Variants in PIGN observed in about 807,000 individuals in gnomAD.
The protein encoded by PIGN is phosphatidylinositol glycan anchor biosynthesis class N, also known as GPI ethanolamine phosphate transferase 1.
In PIGN, 117 loss-of-function variants were observed where a neutral mutation model predicts 125.4. That is an observed-to-expected ratio of 0.93 (90% confidence interval 0.80 to 1.09). The LOEUF (loss-of-function observed/expected upper bound fraction) is 1.09, where lower values mean the gene tolerates loss of function less well. PIGN is among the 50% of genes least tolerant of loss of function. The pLI is 0.00. For synonymous variants in PIGN, 392 were observed against 377.8 expected (o/e 1.04, Z -0.44); for missense variants, 1,075 against 1,094.9 (o/e 0.98, Z 0.26).
At chr18:62,075,764 T>C (rs1009588359) in intron 28 of PIGN, 1 of 152,214 alleles carries the variant, frequency 6.6e-6, no homozygotes, top group African/African-American at 2.4e-5. Flanking sequence ...ATGTTTAGTT[T>C]CATAAGAAAC....
intron 12 of PIGN, among the ~76,000 whole-genome samples, chr18:62,139,402 TTAAAA>T (rs143862326): frequency 0.027 from 4,056 of 152,268 alleles, 57 homozygotes; most frequent in Middle Eastern, 0.085. Context: ...GCCAGCATAC[TTAAAA>T]TAAAAGACTT....
intron 30 of PIGN, among the ~76,000 whole-genome samples, chr18:62,055,891 A>G (rs72946055): frequency 0.14 from 21,846 of 151,398 alleles, 2,122 homozygotes; most frequent in Non-Finnish European, 0.21. Context: ...CTAACGTCTC[A>G]TGCAAGGTCT....
chr18:62,096,874 T>C (rs1487244871), intron 22 of PIGN, among the ~76,000 whole-genome samples: 1 of 148,642 alleles, frequency 6.7e-6, no homozygotes, highest in Non-Finnish European at 1.5e-5. Flanking sequence ...TCATATTTTA[T>C]GGCTGCATAG....
At chr18:62,032,224 C>A (rs771747580) in intron 23 of PIGN, among the ~76,000 whole-genome samples, 1 of 152,188 alleles carries the variant, frequency 6.6e-6, no homozygotes, top group Non-Finnish European at 1.5e-5. Flanking sequence ...GTGGAGAGAT[C>A]TTTTGGGGCA....
chr18:62,093,192 G>A (rs1466341771), intron 23 of PIGN, among the ~76,000 whole-genome samples: 1 of 151,958 alleles, frequency 6.6e-6, no homozygotes, highest in Non-Finnish European at 1.5e-5. Flanking sequence ...TGAAGTTACT[G>A]TTTCCTAATA....
At chr18:62,180,929 T>C (rs1419074048) in intron 1 of PIGN, among the ~76,000 whole-genome samples, 4 of 152,206 alleles carry the variant, frequency 2.6e-5, no homozygotes, top group Non-Finnish European at 5.9e-5. Context: ...TTATGTCACA[T>C]ATATTCTTCT....
chr18:62,036,028 G>A (rs2030256525), intron 23 of PIGN, among the ~76,000 whole-genome samples: 1 of 152,014 alleles, frequency 6.6e-6, no homozygotes, highest in South Asian at 2.1e-4. Context: ...TTCCTAGGTT[G>A]CAAAACTGCT....
intron 16 of PIGN, 32 bp downstream of exon 16, chr18:62,113,102 A>G (rs375125856): frequency 2.9e-5 from 45 of 1,525,716 alleles, no homozygotes; most frequent in Non-Finnish European, 3.8e-5. Flanking sequence ...ATTTTATACC[A>G]TCATCTGAAT....
intron 23 of PIGN, among the ~76,000 whole-genome samples, chr18:62,095,092 G>C (rs1274305176): frequency 2.0e-5 from 3 of 152,156 alleles, no homozygotes; most frequent in African/African-American, 4.8e-5. Context: ...CCTAGGTTTA[G>C]TCTAACTTCA....
At position 62,114,593 on chromosome 18, in the gene PIGN, AT is replaced by A. The variant is rs1449295768; in HGVS notation, c.1218del (p.Arg406SerfsTer4). The A allele has an allele frequency of 2.6e-6, 4 of 1,523,720 alleles. No individual in the cohort carries two copies. The South Asian group carries it at 4.8e-5, about 18-fold the overall frequency. 94.4% of individuals were successfully genotyped at this position (1,523,720 alleles called of 1,614,324 possible). A position where few individuals can be genotyped will look rare whatever the true frequency, so the allele number is the denominator to read the frequency against. On this transcript the variant is annotated frameshift_variant, in exon 15 of 31. Coordinates refer to ENST00000640252, the MANE Select transcript of PIGN (RefSeq NM_176787.5). LOFTEE classifies it high-confidence loss of function. The stretch of plus-strand genomic sequence containing the variant: ...TCAAACTTTCTGTGTTTTATATAAG[AT>A]CTTGCTTTTCTTAAAATGTTGAACT... ...SKQFNILRKA[R>X]SYIKHRKFDE...
At chr18:62,134,406 A>G (rs1421743503) in intron 14 of PIGN, among the ~76,000 whole-genome samples, 1 of 152,096 alleles carries the variant, frequency 6.6e-6, no homozygotes, top group African/African-American at 2.4e-5. Context: ...AAACAAAACA[A>G]AACAAAAACT....
chr18:62,029,091 A>G (rs2030161334), intron 23 of PIGN, among the ~76,000 whole-genome samples: 1 of 152,170 alleles, frequency 6.6e-6, no homozygotes, highest in South Asian at 2.1e-4. Flanking sequence ...TGTGCCTTCC[A>G]TCTCTTTGTC....
At position 62,085,189 on chromosome 18, in the gene PIGN, C is replaced by T; in HGVS notation, c.2426+20G>A. Reference sequence around the variant, plus strand: ...ATTATTTTTTAGTTATATATATATGCCACTTTCATTTAAAATTACCTGTTA... The same window carrying T: ...ATTATTTTTTAGTTATATATATATGTCACTTTCATTTAAAATTACCTGTTA... On this transcript the variant is annotated intron_variant, in intron 26 of 30. Transcript: ENST00000640252. 7.4e-7 allele frequency: 1 copy of T among 1,345,806 alleles called. No homozygotes were observed. Among genetic ancestry groups the T allele is most frequent in the Non-Finnish European group, 1.0e-6 (1 of 963,612 alleles). The allele number at this position is 1,345,806 out of a possible 1,614,324, so 83.4% of individuals were successfully genotyped here.
intron 14 of PIGN, among the ~76,000 whole-genome samples, chr18:62,123,916 C>T (rs2035405011): frequency 8.0e-6 from 1 of 124,518 alleles, no homozygotes; most frequent in Non-Finnish European, 1.7e-5. Flanking sequence ...TCTTCTGTGA[C>T]TATAAAAATG....
At chr18:62,165,189 T>A (rs1819604514) in intron 1 of PIGN, among the ~76,000 whole-genome samples, 1 of 152,120 alleles carries the variant, frequency 6.6e-6, no homozygotes, top group African/African-American at 2.4e-5. Context: ...TAAAGTGAGG[T>A]TCCTCCTCCT....
intron 17 of PIGN, 29 bp from the exon 18 acceptor site, chr18:62,107,114 T>C (rs747401935): frequency 2.9e-5 from 41 of 1,410,548 alleles, no homozygotes; most frequent in Non-Finnish European, 3.7e-5. Flanking sequence ...CTGATTGAAT[T>C]TTAAAGTTAG....
chr18:62,106,156 T>A (rs1232717145), intron 19 of PIGN, among the ~76,000 whole-genome samples: 1 of 152,136 alleles, frequency 6.6e-6, no homozygotes. Context: ...TAGATTAAGA[T>A]CCCTCACAAA....
At chr18:62,064,950 A>C (rs909666450) in intron 30 of PIGN, among the ~76,000 whole-genome samples, 1 of 152,136 alleles carries the variant, frequency 6.6e-6, no homozygotes, top group Non-Finnish European at 1.5e-5. Context: ...AATTTTCAAG[A>C]GAAAAATGGT....
chr18:62,096,271 G>A (rs1463707964), intron 22 of PIGN, among the ~76,000 whole-genome samples: 1 of 151,772 alleles, frequency 6.6e-6, no homozygotes, highest in Non-Finnish European at 1.5e-5. Flanking sequence ...CTCCAGCCTG[G>A]GTGACAAGAG....
Sources: allele counts gnomAD v4.1 joint callset (sites outside exome capture counted in the v4.1 genomes callset), GRCh38; gene constraint gnomAD v4.1.1; transcripts MANE v1.5; gene names NCBI Gene and HGNC (gene_info 2026-07-23, HGNC 2026-07-21).